Variants in PKHD1 observed in about 807,000 individuals in gnomAD.
PKHD1 encodes PKHD1 ciliary IPT domain containing fibrocystin/polyductin.
PKHD1 carries 291 observed loss-of-function variants against 412.0 expected under a neutral mutation model. That is an observed-to-expected ratio of 0.71 (90% CI 0.64 to 0.78). The LOEUF is 0.78. Ranked by LOEUF, PKHD1 falls within the 30% of genes least tolerant of loss-of-function variation. The probability of loss-of-function intolerance (pLI) is 0.00; values close to 1 mark genes in which losing one functional copy is unlikely to be tolerated. For missense variants in PKHD1, 4,825 were observed against 4,950.7 expected, an observed-to-expected ratio of 0.97 and a Z score of 0.76; for synonymous variants, 1,777 against 1,821.5, an observed-to-expected ratio of 0.98 and a Z score of 0.62.
At chr6:51,641,937 C>T (rs544952613) in intron 63 of PKHD1, among the ~76,000 whole-genome samples, 25 of 152,160 alleles carry the variant, frequency 1.6e-4, no homozygotes, top group Non-Finnish European at 3.7e-4. Flanking sequence ...GGAGAAATAA[C>T]TAATGTAGAT....
At chr6:51,656,930 A>G (rs1265196307) in intron 61 of PKHD1, among the ~76,000 whole-genome samples, 1 of 152,014 alleles carries the variant, frequency 6.6e-6, no homozygotes, top group Non-Finnish European at 1.5e-5. Context: ...TGCTGAGATT[A>G]CAGGTGTGAG....
intron 53 of PKHD1, among the ~76,000 whole-genome samples, chr6:51,778,228 T>C (rs573608930): frequency 2.4e-4 from 37 of 152,248 alleles, no homozygotes; most frequent in African/African-American, 8.4e-4. Context: ...CAGCTCATCC[T>C]TGGTTTACCT....
chr6:51,889,378 C>T (rs540218189), intron 43 of PKHD1, among the ~76,000 whole-genome samples: 67 of 152,298 alleles, frequency 4.4e-4, no homozygotes, highest in Non-Finnish European at 7.4e-4. Flanking sequence ...GTGGGGACTA[C>T]GCTGTGAGCA....
At chr6:51,721,244 C>T (rs1781891294) in intron 60 of PKHD1, 1 of 948,212 alleles carries the variant, frequency 1.1e-6, no homozygotes, top group African/African-American at 1.8e-5. Flanking sequence ...AATGGGTTAT[C>T]TTTACCACAC....
chr6:51,966,921 G>C (rs2127977508), intron 35 of PKHD1, among the ~76,000 whole-genome samples: 1 of 152,238 alleles, frequency 6.6e-6, no homozygotes, highest in South Asian at 2.1e-4. Flanking sequence ...GATTGGATTG[G>C]ATTGGATTGG....
Position 51,749,226 on chromosome 6 carries a change from C to T in PKHD1, c.8951-561G>A, listed in dbSNP as rs140213716. On this transcript the variant is annotated intron_variant, in intron 57 of 66. Coordinates refer to ENST00000371117, the MANE Select transcript of PKHD1 (RefSeq NM_138694.4). The stretch of plus-strand genomic sequence containing the variant: ...GCTTCTGATTAAAACATGGTAGGAG[C>T]AATAACATGCTTTTAAAATCACTTT... Among the ~76,000 whole-genome samples, 11 of 152,250 alleles carry T rather than the reference C, an allele frequency of 7.2e-5. No individual in the cohort carries two copies. The South Asian group carries it at 8.3e-4, about 11-fold the overall frequency.
rs762754327 is a variant in PKHD1 at position 51,909,376 on chromosome 6, T to C, written c.6589A>G (p.Ser2197Gly). The C allele has an allele frequency of 3.1e-6, 5 of 1,613,370 alleles. No homozygotes were observed. In the African/African-American group the frequency reaches 6.7e-5, roughly 22 times the overall value. ...TGCACTCCCTTCAACTGGACCTGGC[T>C]GGGCTCTTCTGGGAAGGACTGAACG... ...VIVQSFPEEP[S>G]QVQLKGVQFQ... is the part of the protein sequence containing the mutation. Residue 2197 changes from serine to glycine, a missense_variant, in exon 40 of 67, where the codon AGC becomes GGC. By Grantham distance (56) the Ser-to-Gly change is moderately conservative. Coordinates refer to ENST00000371117, the MANE Select transcript of PKHD1 (RefSeq NM_138694.4).
At chr6:51,874,783 C>CCAGGCG (rs1445506685) in intron 46 of PKHD1, among the ~76,000 whole-genome samples, 3,776 of 114,698 alleles carry the variant, frequency 0.033, 530 homozygotes, top group East Asian at 0.17. Context: ...AAAAAATGAG[C>CCAGGCG]TCCGGTCTAC....
At chr6:51,741,194 C>T (rs1305677729) in intron 60 of PKHD1, 2 of 518,732 alleles carry the variant, frequency 3.9e-6, no homozygotes, top group African/African-American at 3.9e-5. Flanking sequence ...AAGCAACCAC[C>T]TAAAATGAAC....
chr6:51,745,773 C>T (rs1280492611), intron 59 of PKHD1, among the ~76,000 whole-genome samples: 1 of 152,122 alleles, frequency 6.6e-6, no homozygotes, highest in Non-Finnish European at 1.5e-5. Flanking sequence ...TATAGCAGCA[C>T]AAACAGACTA....
At chr6:51,700,951 A>G (rs1213734536) in intron 60 of PKHD1, among the ~76,000 whole-genome samples, 5 of 152,120 alleles carry the variant, frequency 3.3e-5, no homozygotes, top group Admixed American at 3.3e-4. Flanking sequence ...ACCCCAGCCA[A>G]TTAGTTTGTC....
At chr6:51,710,790 G>T (rs1015339075) in intron 60 of PKHD1, among the ~76,000 whole-genome samples, 1 of 152,034 alleles carries the variant, frequency 6.6e-6, no homozygotes, top group Non-Finnish European at 1.5e-5. Context: ...TGAGGTAAGC[G>T]CCATCTATAA....
chr6:51,920,954 G>T (rs552942977), intron 37 of PKHD1, among the ~76,000 whole-genome samples: 1 of 152,124 alleles, frequency 6.6e-6, no homozygotes, highest in South Asian at 2.1e-4. Context: ...TATTTCTGTG[G>T]GATAGGTGGT....
At position 51,748,409 on chromosome 6, in the gene PKHD1, T is replaced by G; in HGVS notation, c.9207A>C (p.Thr3069=). ...TVTNNLVVLM[T]QPAWSTIWVA... is the part of the protein sequence containing the mutation. ...CCCAAATGGTGGACCACGCTGGCTG[T>G]GTCATCAGAACCACAAGGTTATTAG... Residue 3069 remains threonine, a synonymous_variant, in exon 58 of 67, where the codon ACA becomes ACC. Transcript: ENST00000371117. 17 of 1,614,070 alleles carry G rather than the reference T, an allele frequency of 1.1e-5. No homozygotes were observed. The highest frequency in any genetic ancestry group is 1.4e-5 in the Non-Finnish European group (17 of 1,179,962).
chr6:51,846,517 G>C (rs953147116), intron 50 of PKHD1, among the ~76,000 whole-genome samples: 4 of 152,176 alleles, frequency 2.6e-5, no homozygotes, highest in African/African-American at 9.7e-5. Context: ...TGGCCTCACA[G>C]TGAGCTGCGA....
At chr6:51,899,810 T>A (rs1219141198) in intron 43 of PKHD1, among the ~76,000 whole-genome samples, 8 of 152,172 alleles carry the variant, frequency 5.3e-5, no homozygotes. Context: ...ATAAGCAACT[T>A]CAGCAAAGTC....
intron 60 of PKHD1, among the ~76,000 whole-genome samples, chr6:51,688,551 T>C (rs1421343042): frequency 1.3e-5 from 2 of 151,776 alleles, no homozygotes; most frequent in Non-Finnish European, 2.9e-5. Flanking sequence ...CAGGAGCTAT[T>C]CTTTTTTTAA....
chr6:51,662,852 A>G (rs1773087719), intron 60 of PKHD1, among the ~76,000 whole-genome samples: 2 of 152,030 alleles, frequency 1.3e-5, no homozygotes, highest in Admixed American at 1.3e-4. Flanking sequence ...CACAAGATAA[A>G]ACAGAAATTT....
chr6:51,783,308 T>C (rs936011525), intron 53 of PKHD1, among the ~76,000 whole-genome samples: 3 of 151,586 alleles, frequency 2.0e-5, no homozygotes, highest in Non-Finnish European at 4.4e-5. Context: ...TAAATATCCA[T>C]TAGGATATGT....
Sources: allele counts gnomAD v4.1 joint callset (sites outside exome capture counted in the v4.1 genomes callset), GRCh38; gene constraint gnomAD v4.1.1; transcripts MANE v1.5; gene names NCBI Gene and HGNC (gene_info 2026-07-23, HGNC 2026-07-21).